CDH12: variants seen among roughly 807,000 people sequenced by gnomAD.
CDH12 encodes the protein cadherin-12.
CDH12 carries 41 observed loss-of-function variants against 74.1 expected under a neutral mutation model. That is an observed-to-expected ratio of 0.55 (90% CI 0.43 to 0.72). The LOEUF is 0.72. Among genes scored for constraint, CDH12 ranks in the 30% least tolerant of loss-of-function variants. The pLI is 0.00. For missense variants in CDH12, 945 were observed against 977.2 expected (o/e 0.97, Z 0.44); for synonymous variants, 399 against 355.0 (o/e 1.12, Z -1.39).
At chr5:21,832,938 A>G (rs1196827982) in intron 8 of CDH12, among the ~76,000 whole-genome samples, 2 of 67,586 alleles carry the variant, frequency 3.0e-5, no homozygotes, top group Non-Finnish European at 4.4e-5. Context: ...CATATATTAT[A>G]TATAATATCA....
At chr5:22,532,583 C>A (rs1393784451) in intron 1 of CDH12, among the ~76,000 whole-genome samples, 1 of 151,132 alleles carries the variant, frequency 6.6e-6, no homozygotes, top group Non-Finnish European at 1.5e-5. Context: ...TGAATTAAGA[C>A]TTGGTTTAAT....
chr5:22,147,672 C>T (rs1185290272), intron 4 of CDH12, among the ~76,000 whole-genome samples: 1 of 151,286 alleles, frequency 6.6e-6, no homozygotes, highest in South Asian at 2.1e-4. Flanking sequence ...AGGCAAAAGG[C>T]ACATCTTACA....
intron 9 of CDH12, among the ~76,000 whole-genome samples, chr5:21,804,580 G>A (rs1579734011): frequency 1.3e-5 from 2 of 150,376 alleles, no homozygotes; most frequent in African/African-American, 4.9e-5. Flanking sequence ...ATTAACGAGA[G>A]TAAATTTAGA....
intron 1 of CDH12, among the ~76,000 whole-genome samples, chr5:22,603,757 T>C (rs1015118560): frequency 1.3e-5 from 2 of 152,134 alleles, no homozygotes; most frequent in East Asian, 1.9e-4. Flanking sequence ...GTTATAGGTA[T>C]GAAAATAGGA....
intron 1 of CDH12, among the ~76,000 whole-genome samples, chr5:22,801,567 A>G (rs1748514625): frequency 6.9e-6 from 1 of 145,218 alleles, no homozygotes; most frequent in Admixed American, 7.1e-5. Flanking sequence ...TCTATTTTTA[A>G]TCTTAACAAA....
At chr5:21,832,563 GTGTC>G (rs1749082510) in intron 8 of CDH12, among the ~76,000 whole-genome samples, 1 of 151,146 alleles carries the variant, frequency 6.6e-6, no homozygotes, top group Admixed American at 6.6e-5. Context: ...CTATATATGA[GTGTC>G]TGTTTGTTTA....
Position 22,642,108 on chromosome 5 carries a change from G to A in CDH12, c.-522-136744C>T, listed in dbSNP as rs17277395. ...CTTAGGAATATACATCAGTAATAGA[G>A]TGGAATAATGCCAATAATAGAGCAG... On this transcript the variant is annotated intron_variant, in intron 1 of 14. Coordinates refer to ENST00000382254, the MANE Select transcript of CDH12 (RefSeq NM_004061.5). 2.9e-4 allele frequency among the ~76,000 whole-genome samples: 44 copies of A among 152,328 alleles called. No individual in the cohort carries two copies. The South Asian group carries it at 5.0e-3, about 17-fold the overall frequency.
At chr5:22,747,993 C>T (rs1346889817) in intron 1 of CDH12, among the ~76,000 whole-genome samples, 1 of 152,058 alleles carries the variant, frequency 6.6e-6, no homozygotes, top group Non-Finnish European at 1.5e-5. Flanking sequence ...CACACATTCA[C>T]TATAATCACT....
intron 3 of CDH12, among the ~76,000 whole-genome samples, chr5:22,312,633 A>T (rs890139850): frequency 6.6e-6 from 1 of 152,212 alleles, no homozygotes; most frequent in Non-Finnish European, 1.5e-5. Context: ...ACAGTTAAAA[A>T]GTTAAAAGAA....
At chr5:22,851,519 A>G (rs1034222558) in intron 1 of CDH12, among the ~76,000 whole-genome samples, 1 of 152,158 alleles carries the variant, frequency 6.6e-6, no homozygotes, top group Non-Finnish European at 1.5e-5. Flanking sequence ...ATGTTCTAGA[A>G]TTCGATTTTC....
chr5:22,032,863 G>A (rs1186464315), intron 5 of CDH12, among the ~76,000 whole-genome samples: 1 of 150,400 alleles, frequency 6.6e-6, no homozygotes, highest in African/African-American at 2.4e-5. Context: ...GGACTCCAGT[G>A]CAGAATGCTG....
intron 11 of CDH12, among the ~76,000 whole-genome samples, chr5:21,776,419 G>A (rs1745592065): frequency 6.6e-6 from 1 of 152,102 alleles, no homozygotes; most frequent in Non-Finnish European, 1.5e-5. Context: ...CATACATAAA[G>A]AGTAGGTTTT....
At position 22,405,254 on chromosome 5, in the gene CDH12, T is replaced by C; in HGVS notation, c.-333+3A>G. The C allele has an allele frequency of 2.3e-6, 2 of 851,570 alleles. No homozygotes were observed. The highest frequency in any genetic ancestry group is 2.8e-6 in the Non-Finnish European group (2 of 707,900). The allele number at this position is 851,570 out of a possible 1,614,324, so 52.8% of individuals were successfully genotyped here. On this transcript the variant is annotated splice_donor_region_variant and intron_variant, in intron 3 of 14. Transcript: ENST00000382254. ...AAAAAATCATAACAATCAATTTACT[T>C]ACAAGTTAGAGGCAATTTATTTTCT...
intron 3 of CDH12, among the ~76,000 whole-genome samples, chr5:22,358,522 A>G (rs905226103): frequency 1.3e-5 from 2 of 152,232 alleles, no homozygotes; most frequent in African/African-American, 2.4e-5. Context: ...CTTCACTGAC[A>G]ATCTGGAGTG....
At position 22,350,110 on chromosome 5, in the gene CDH12, A is replaced by G. The variant is rs1740296341; in HGVS notation, c.-333+55147T>C. Among the ~76,000 whole-genome samples, 3 of 152,220 alleles carry G rather than the reference A, an allele frequency of 2.0e-5. No homozygotes were observed. The South Asian group carries it at 6.2e-4, about 31-fold the overall frequency. On this transcript the variant is annotated intron_variant, in intron 3 of 14. Transcript: ENST00000382254. ...ATTTGTACACATTAACTCAGTTTAA[A>G]TTAATAATTTTAGTAACGACTAAGA... is the stretch of plus-strand genomic sequence containing the variant.
intron 1 of CDH12, among the ~76,000 whole-genome samples, chr5:22,658,118 G>C (rs1740149455): frequency 6.6e-6 from 1 of 152,160 alleles, no homozygotes; most frequent in African/African-American, 2.4e-5. Context: ...CTGTCACTGA[G>C]TTAAGTAGTA....
intron 2 of CDH12, among the ~76,000 whole-genome samples, chr5:22,438,033 C>A (rs1184854635): frequency 6.6e-6 from 1 of 151,928 alleles, no homozygotes; most frequent in East Asian, 1.9e-4. Flanking sequence ...TTTAGGGAAG[C>A]AAAGTATCTT....
intron 4 of CDH12, among the ~76,000 whole-genome samples, chr5:22,117,457 ATT>A (rs1491246071): frequency 1.3e-5 from 1 of 79,196 alleles, no homozygotes; most frequent in Non-Finnish European, 2.3e-5. Context: ...TAATATATAT[ATT>A]ATATATATAA....
chr5:22,288,475 T>C (rs1014518388), intron 3 of CDH12, among the ~76,000 whole-genome samples: 1 of 152,214 alleles, frequency 6.6e-6, no homozygotes, highest in Admixed American at 6.5e-5. Context: ...TGTGTGTATG[T>C]ACCTATATGT....
Sources: allele counts gnomAD v4.1 joint callset (sites outside exome capture counted in the v4.1 genomes callset), GRCh38; gene constraint gnomAD v4.1.1; transcripts MANE v1.5; gene names NCBI Gene and HGNC (gene_info 2026-07-23, HGNC 2026-07-21).